Variants in ABCB5 observed in about 807,000 individuals in gnomAD.
ABCB5 encodes ATP-binding cassette sub-family B member 5.
Under a neutral mutation model 144.2 loss-of-function variants are expected in ABCB5, and 155 were observed. That is an observed-to-expected ratio of 1.08 (90% CI 0.94 to 1.23). The LOEUF (loss-of-function observed/expected upper bound fraction) is 1.23, where lower values mean the gene tolerates loss of function less well. Among genes scored for constraint, ABCB5 ranks in the 50% most tolerant of loss-of-function variants. The probability of loss-of-function intolerance (pLI) is 0.00; values close to 1 mark genes in which losing one functional copy is unlikely to be tolerated. For missense variants in ABCB5, 1,830 were observed against 1,520.8 expected, an observed-to-expected ratio of 1.20 and a Z score of -3.38; for synonymous variants, 610 against 528.6, an observed-to-expected ratio of 1.15 and a Z score of -2.11.
intron 13 of ABCB5, among the ~76,000 whole-genome samples, chr7:20,655,757 T>C (rs1174289601): frequency 2.6e-5 from 4 of 152,252 alleles, no homozygotes; most frequent in Admixed American, 2.6e-4. Context: ...TTGTGCTTTA[T>C]CAATCAAAAT....
intron 14 of ABCB5, 139 bp downstream of exon 14, chr7:20,658,815 G>C (rs1308577242): frequency 9.1e-7 from 1 of 1,101,182 alleles, no homozygotes; most frequent in Non-Finnish European, 1.3e-6. Context: ...AATCCACTGA[G>C]AACTTACGTG....
intron 1 of ABCB5, 29 bp from the exon 2 acceptor site, chr7:20,623,236 A>T: frequency 1.6e-6 from 2 of 1,258,420 alleles, no homozygotes; most frequent in South Asian, 2.6e-5. Context: ...TCACATAGCC[A>T]TAATACATTT....
chr7:20,713,364 G>A lies in ABCB5; in HGVS notation c.2421+8557G>A, dbSNP rs115412144. ...CAATCCTCCTGCCTCAGCTTTCCAT[G>A]CAGCTGAAATGAGAGGTACATGGTA... On this transcript the variant is annotated intron_variant, in intron 20 of 27. Transcript: ENST00000404938. 1.8e-3 allele frequency among the ~76,000 whole-genome samples: 273 copies of A among 148,918 alleles called. 20 individuals are homozygous for A. Among genetic ancestry groups the A allele is most frequent in the African/African-American group, 6.4e-3 (259 of 40,202 alleles).
intron 16 of ABCB5, among the ~76,000 whole-genome samples, chr7:20,695,486 AT>A (rs1362076070): frequency 4.6e-5 from 7 of 152,008 alleles, no homozygotes; most frequent in African/African-American, 1.7e-4. Context: ...CAATAAAAAA[AT>A]CTTCACGACT....
rs2128039083 is a variant in ABCB5, at chr7:20,681,545, T to C, written c.1748T>C (p.Leu583Pro). The stretch of plus-strand genomic sequence containing the variant: ...ACTACAATCGTGGTAGCACACCGAC[T>C]TTCTACTATTCGAAGTGCAGATTTG... Reference protein sequence around the residue: ...GRTTIVVAHRLSTIRSADLIV... With the variant: ...GRTTIVVAHRPSTIRSADLIV... The change falls in exon 15 of 28, where the codon CTT becomes CCT. Residue 583 changes from leucine (L) to proline (P), a missense_variant. By Grantham distance (98) the Leu-to-Pro change is moderately conservative (BLOSUM62 -3). Coordinates refer to ENST00000404938, the MANE Select transcript of ABCB5 (RefSeq NM_001163941.2). 1 of 1,614,224 alleles carries C rather than the reference T, an allele frequency of 6.2e-7. No individual in the cohort carries two copies. Among genetic ancestry groups the C allele is most frequent in the East Asian group, 2.2e-5 (1 of 44,880 alleles).
At chr7:20,682,737 C>A (rs551300142) in intron 15 of ABCB5, among the ~76,000 whole-genome samples, 1 of 152,112 alleles carries the variant, frequency 6.6e-6, no homozygotes, top group African/African-American at 2.4e-5. Context: ...GGGATGCACA[C>A]GTAAAACCTT....
At position 20,626,595 on chromosome 7, in the gene ABCB5, T is replaced by A. The variant is rs761794408; in HGVS notation, c.92T>A (p.Val31Asp). Residue 31 changes from valine to aspartate, a missense_variant, in exon 3 of 28, where the codon GTT (valine) becomes GAT (aspartate). By Grantham distance (152) the Val-to-Asp change is radical (BLOSUM62 -3). Coordinates refer to ENST00000404938, the MANE Select transcript of ABCB5 (RefSeq NM_001163941.2). ...EEQPKLRKEAVGSIEIFRFAD... is the reference protein window; with the variant it reads ...EEQPKLRKEADGSIEIFRFAD... ...CAGCCAAAACTGAGAAAGGAAGCAGTTGGATCTATTGAGATAGTAAGTGAA... is the reference window on the plus strand; with the variant it reads ...CAGCCAAAACTGAGAAAGGAAGCAGATGGATCTATTGAGATAGTAAGTGAA... 1.2e-6 allele frequency: 2 copies of A among 1,607,034 alleles called. No individual in the cohort carries two copies. The highest frequency in any genetic ancestry group is 1.7e-6 in the Non-Finnish European group (2 of 1,176,508).
At chr7:20,742,207 C>G (rs2128055178) in intron 24 of ABCB5, among the ~76,000 whole-genome samples, 1 of 151,858 alleles carries the variant, frequency 6.6e-6, no homozygotes, top group South Asian at 2.1e-4. Flanking sequence ...AAACCCATCT[C>G]TACTAAAAAT....
chr7:20,685,810 G>A lies in ABCB5; in HGVS notation c.1984G>A (p.Ala662Thr), dbSNP rs748445276. 1 of 1,611,752 alleles carries A rather than the reference G, an allele frequency of 6.2e-7. No homozygotes were observed. The highest frequency in any genetic ancestry group is 1.1e-5 in the South Asian group (1 of 90,204). Residue 662 changes from alanine (A) to threonine (T), a missense_variant, in exon 16 of 28, where the codon GCT becomes ACT. Coordinates refer to ENST00000404938, the MANE Select transcript of ABCB5 (RefSeq NM_001163941.2). ...KSIKSDFIDK[A>T]EESTQSKEIS... ...CATCAAGTCAGACTTCATTGACAAG[G>A]CTGAGGAATCCACCCAATCTAAAGA...
intron 4 of ABCB5, among the ~76,000 whole-genome samples, chr7:20,629,118 G>A (rs1359547311): frequency 1.3e-5 from 2 of 149,764 alleles, no homozygotes; most frequent in Non-Finnish European, 1.5e-5. Flanking sequence ...TAGGATGTGC[G>A]TTAGAAACAA....
rs755043625 is a variant in ABCB5 at position 20,643,479 on chromosome 7, T to G, written c.525T>G (p.Ser175Arg). Residue 175 changes from serine to arginine, a missense_variant, in exon 7 of 28, where the codon AGT becomes AGG. Physicochemically the swap from Ser to Arg is moderately radical, Grantham distance 110. Coordinates refer to ENST00000404938, the MANE Select transcript of ABCB5 (RefSeq NM_001163941.2). ...GTTTCAGTGACATTGACAAAATCAG[T>G]GATGGTATTGGAGATAAGATTGCTC... ...TRMTDDIDKI[S>R]DGIGDKIALL... 5.0e-6 allele frequency: 8 copies of G among 1,613,888 alleles called. No homozygotes were observed. Among genetic ancestry groups the G allele is most frequent in the African/African-American group, 2.7e-5 (2 of 74,932 alleles).
chr7:20,636,314 A>T (rs1384285809), intron 5 of ABCB5, among the ~76,000 whole-genome samples: 1 of 152,028 alleles, frequency 6.6e-6, no homozygotes, highest in African/African-American at 2.4e-5. Flanking sequence ...AAAGTTTAAA[A>T]TTTTTTTAAT....
intron 14 of ABCB5, among the ~76,000 whole-genome samples, chr7:20,676,772 A>G (rs1388784758): frequency 6.6e-6 from 1 of 152,182 alleles, no homozygotes; most frequent in Admixed American, 6.5e-5. Context: ...CAAAAAATCA[A>G]TCTGCACAAT....
intron 14 of ABCB5, among the ~76,000 whole-genome samples, chr7:20,664,092 T>A (rs942109173): frequency 1.3e-5 from 2 of 151,004 alleles, no homozygotes; most frequent in African/African-American, 4.9e-5. Flanking sequence ...AAAAGAACAG[T>A]GAAAAAAAAT....
chr7:20,668,598 G>GGGA (rs1785315443), intron 14 of ABCB5, among the ~76,000 whole-genome samples: 1 of 147,508 alleles, frequency 6.8e-6, no homozygotes, highest in African/African-American at 2.5e-5. Flanking sequence ...GGTGGGGGGG[G>GGGA]GGGTCAGCCC....
chr7:20,630,469 G>A (rs1277638454), intron 4 of ABCB5, among the ~76,000 whole-genome samples: 1 of 151,824 alleles, frequency 6.6e-6, no homozygotes, highest in Non-Finnish European at 1.5e-5. Context: ...ATCTTGAGTG[G>A]GATAAACCCA....
Position 20,648,086 on chromosome 7 carries a change from A to C in ABCB5, c.1206+8A>C. The C allele has an allele frequency of 6.7e-7, 1 of 1,503,718 alleles. No individual in the cohort carries two copies. The highest frequency in any genetic ancestry group is 9.2e-7 in the Non-Finnish European group (1 of 1,083,262). The allele number at this position is 1,503,718 out of a possible 1,614,324, so 93.1% of individuals were successfully genotyped here. A position where few individuals can be genotyped will look rare whatever the true frequency, so the allele number is the denominator to read the frequency against. On this transcript the variant is annotated splice_region_variant and intron_variant, in intron 11 of 27. Transcript: ENST00000404938. ...TCAAGACCATCTATCAAGGTAGGTT[A>C]AAACAAATTACGCAATTGTGCAGTT...
At chr7:20,674,612 C>T (rs969932561) in intron 14 of ABCB5, among the ~76,000 whole-genome samples, 16 of 151,564 alleles carry the variant, frequency 1.1e-4, no homozygotes, top group African/African-American at 3.9e-4. Context: ...TATAGTACCT[C>T]TTACCACTTG....
chr7:20,643,681 T>A (rs746775499), intron 7 of ABCB5, 49 bp downstream of exon 7: 1 of 1,593,734 alleles, frequency 6.3e-7, no homozygotes, highest in South Asian at 1.1e-5. Context: ...CAGTGTGGAC[T>A]AAATGACTCA....
Sources: allele counts gnomAD v4.1 joint callset (sites outside exome capture counted in the v4.1 genomes callset), GRCh38; gene constraint gnomAD v4.1.1; transcripts MANE v1.5; gene names NCBI Gene and HGNC (gene_info 2026-07-23, HGNC 2026-07-21).